Variants in ANTXRL observed in about 807,000 individuals in gnomAD.
ANTXRL encodes the protein anthrax toxin receptor-like.
A neutral mutation model predicts 75.4 loss-of-function variants in ANTXRL; 63 were observed. The observed-to-expected ratio is 0.84, with a 90% CI of 0.68 to 1.03. The LOEUF is 1.03. Ranked by LOEUF, ANTXRL falls within the 50% of genes least tolerant of loss-of-function variation. The pLI, the probability that ANTXRL is intolerant of heterozygous loss-of-function variation, is 0.00. For missense variants in ANTXRL, 797 were observed against 789.4 expected (o/e 1.01, Z -0.12); for synonymous variants, 335 against 291.3 (o/e 1.15, Z -1.53).
Position 46,287,316 on chromosome 10 carries a change from G to T in ANTXRL, c.54G>T (p.Leu18=). 1 of 1,535,970 alleles carries T rather than the reference G, an allele frequency of 6.5e-7. No individual in the cohort carries two copies. Among genetic ancestry groups the T allele is most frequent in the Non-Finnish European group, 8.7e-7 (1 of 1,146,752 alleles). Residue 18 remains leucine (L), a synonymous_variant, in exon 1 of 17, where the codon CTG becomes CTT. Coordinates refer to ENST00000620264, the MANE Select transcript of ANTXRL (RefSeq NM_001278688.3). The stretch of plus-strand genomic sequence containing the variant: ...ACTTCCTGGTCTTCCTGCTGCTGCT[G>T]CTGCTTCCTCCACCGCTTTTTAGAG... ...GPYFLVFLLL[L]LLPPPLFRAG...
At position 46,311,479 on chromosome 10, in the gene ANTXRL, T is replaced by C; in HGVS notation, c.1174-31T>C. On this transcript the variant is annotated intron_variant, in intron 14 of 16. Transcript: ENST00000620264. ...GGCCAGCACTGTGCCCTGCCAGCACTGTGAGCAGACAGTTGTTTTTCTTTT... is the reference window on the plus strand; with the variant it reads ...GGCCAGCACTGTGCCCTGCCAGCACCGTGAGCAGACAGTTGTTTTTCTTTT... The C allele has an allele frequency of 2.6e-6, 4 of 1,510,596 alleles. No homozygotes were observed. The South Asian group carries it at 3.8e-5, about 14-fold the overall frequency. 93.6% of individuals were successfully genotyped at this position (1,510,596 alleles called of 1,614,324 possible). A position where few individuals can be genotyped will look rare whatever the true frequency, so the allele number is the denominator to read the frequency against.
At chr10:46,306,081 T>C (rs1281697722) in intron 10 of ANTXRL, among the ~76,000 whole-genome samples, 3 of 152,186 alleles carry the variant, frequency 2.0e-5, no homozygotes, top group Non-Finnish European at 4.4e-5. Context: ...CTTTCCCTCC[T>C]TGACAAGGTC....
At chr10:46,322,654 T>A (rs1214586745) in intron 16 of ANTXRL, among the ~76,000 whole-genome samples, 2 of 152,138 alleles carry the variant, frequency 1.3e-5, no homozygotes, top group African/African-American at 4.8e-5. Flanking sequence ...GATGCAGAGC[T>A]TTTAATAGTA....
At chr10:46,322,058 C>T (rs376689267) in intron 16 of ANTXRL, among the ~76,000 whole-genome samples, 37 of 152,098 alleles carry the variant, frequency 2.4e-4, no homozygotes, top group East Asian at 1.2e-3. Flanking sequence ...TCCAGCGAGT[C>T]GCCAGAAGGA....
Position 46,292,097 on chromosome 10 carries a change from G to T in ANTXRL, c.288G>T (p.Met96Ile). ...SVNNNWIDLY[M>I]WVEETVARFQ... is the part of the protein sequence containing the mutation. ...ACAATAACTGGATTGACCTTTATAT[G>T]TGGGTGGAGGAAACAGTGGCGAGGT... The change falls in exon 2 of 17, where the codon ATG (methionine) becomes ATT (isoleucine). Residue 96 changes from methionine (M) to isoleucine (I), a missense_variant. This residue lies in a region of ANTXRL where 262 missense variants were observed against 271.9 expected (regional missense o/e 0.96). Transcript: ENST00000620264. The T allele has an allele frequency of 2.0e-6, 3 of 1,536,348 alleles. No individual in the cohort carries two copies. The highest frequency in any genetic ancestry group is 2.6e-6 in the Non-Finnish European group (3 of 1,146,826).
rs1554967334 is a variant in ANTXRL at position 46,329,970 on chromosome 10, C to T, written c.1782C>T (p.Leu594=). The T allele has an allele frequency of 2.0e-6, 3 of 1,535,548 alleles. No homozygotes were observed. Among genetic ancestry groups the T allele is most frequent in the East Asian group, 2.4e-5 (1 of 40,894 alleles). ...TCACCTGCTCCTCCAGGTGCCGCCTCCCCCCAGCTAGGTGCTTGAGGCCTC... is the reference window on the plus strand; with the variant it reads ...TCACCTGCTCCTCCAGGTGCCGCCTTCCCCCAGCTAGGTGCTTGAGGCCTC... ...LPLTCSSRCR[L]PPARCLRPPS... The change falls in exon 17 of 17, where the codon CTC becomes CTT. Residue 594 remains leucine (L), a synonymous_variant. Coordinates refer to ENST00000620264, the MANE Select transcript of ANTXRL (RefSeq NM_001278688.3).
chr10:46,315,736 C>G (rs532773449), intron 16 of ANTXRL, among the ~76,000 whole-genome samples: 2 of 152,142 alleles, frequency 1.3e-5, no homozygotes, highest in East Asian at 3.8e-4. Flanking sequence ...GAGCTGCTGC[C>G]TTTTAAAACC....
intron 16 of ANTXRL, 22 bp downstream of exon 16, chr10:46,313,338 C>T (rs1565044266): frequency 6.5e-7 from 1 of 1,533,642 alleles, no homozygotes; most frequent in Non-Finnish European, 8.7e-7. Context: ...CACAGGGACA[C>T]AGTTGATGGA....
At chr10:46,314,299 C>T (rs1554964270) in intron 16 of ANTXRL, among the ~76,000 whole-genome samples, 1 of 152,108 alleles carries the variant, frequency 6.6e-6, no homozygotes, top group African/African-American at 2.4e-5. Flanking sequence ...TGGCTCTGTG[C>T]CTCTGCACAG....
At position 46,321,636 on chromosome 10, in the gene ANTXRL, T is replaced by A. The variant is rs1434137456; in HGVS notation, c.1411-7963T>A. Among the ~76,000 whole-genome samples the A allele has an allele frequency of 1.3e-5, 2 of 152,168 alleles. 1 individual carries two copies. Among genetic ancestry groups the A allele is most frequent in the Non-Finnish European group, 2.9e-5 (2 of 68,028 alleles). On this transcript the variant is annotated intron_variant, in intron 16 of 16. Coordinates refer to ENST00000620264, the MANE Select transcript of ANTXRL (RefSeq NM_001278688.3). ...TTCTACACCATGAAAGGTTTGATTA[T>A]CCTCAGTCAGTGCATCATAAAAAGC...
rs1554967135 is a variant in ANTXRL at position 46,329,674 on chromosome 10, C to T, written c.1486C>T (p.His496Tyr). 9 of 1,536,322 alleles carry T rather than the reference C, an allele frequency of 5.9e-6. No homozygotes were observed. The South Asian group carries it at 7.1e-5, about 12-fold the overall frequency. The part of the protein sequence containing the change: ...APCCPRICFP[H>Y]SQECLSLPQA... ...CTGCTGCCCAAGGATCTGCTTTCCA[C>T]ACAGCCAGGAGTGCCTTTCCCTACC... Residue 496 changes from histidine (H) to tyrosine (Y), a missense_variant, in exon 17 of 17, where the codon CAC becomes TAC. His to Tyr is a moderately conservative substitution (Grantham distance 83). Transcript: ENST00000620264.
rs1410744115 is a variant in ANTXRL, at chr10:46,311,640, G to C, written c.1304G>C (p.Gly435Ala). 8.3e-7 allele frequency: 1 copy of C among 1,199,026 alleles called. No homozygotes were observed. Among genetic ancestry groups the C allele is most frequent in the Non-Finnish European group, 1.2e-6 (1 of 839,080 alleles). 74.3% of individuals were successfully genotyped at this position (1,199,026 alleles called of 1,614,324 possible). ...TVIICCCGCQGVGGMRRIEGN... is the reference protein window; with the variant it reads ...TVIICCCGCQAVGGMRRIEGN... The stretch of plus-strand genomic sequence containing the variant: ...ATTATTTGTTGCTGTGGATGCCAAG[G>C]AGTGGGCGGGATGAGAAGGATAGAG... Residue 435 changes from glycine to alanine, a missense_variant, in exon 15 of 17, where the codon GGA becomes GCA. Physicochemically the swap from Gly to Ala is moderately conservative, Grantham distance 60. Coordinates refer to ENST00000620264, the MANE Select transcript of ANTXRL (RefSeq NM_001278688.3).
At position 46,293,521 on chromosome 10, in the gene ANTXRL, GCC is replaced by G. The variant is rs1194417852; in HGVS notation, c.321-307_321-306del. The stretch of plus-strand genomic sequence containing the variant: ...GGTGTGTGCACCTGTGTGTGTGTGT[GCC>G]TCTGTGTGTGCATGTGTGTGCATAT... On this transcript the variant is annotated intron_variant, in intron 2 of 16. Coordinates refer to ENST00000620264, the MANE Select transcript of ANTXRL (RefSeq NM_001278688.3). Among the ~76,000 whole-genome samples the G allele has an allele frequency of 4.1e-5, 2 of 48,638 alleles. 1 individual carries two copies. The highest frequency in any genetic ancestry group is 1.1e-4 in the Non-Finnish European group (2 of 17,948). 31.9% of individuals were successfully genotyped at this position (48,638 alleles called of 152,430 possible).
At chr10:46,327,555 G>C (rs1327081191) in intron 16 of ANTXRL, among the ~76,000 whole-genome samples, 1 of 152,112 alleles carries the variant, frequency 6.6e-6, no homozygotes, top group Non-Finnish European at 1.5e-5. Flanking sequence ...GGACTAGCAG[G>C]GCAGGGGCAG....
intron 13 of ANTXRL, among the ~76,000 whole-genome samples, 173 bp downstream of exon 13, chr10:46,309,375 G>C (rs1838289114): frequency 6.6e-6 from 1 of 152,224 alleles, no homozygotes; most frequent in African/African-American, 2.4e-5. Flanking sequence ...CCAGAGCCTA[G>C]CAAGCCTGGG....
At chr10:46,326,640 G>A (rs551770176) in intron 16 of ANTXRL, among the ~76,000 whole-genome samples, 2 of 152,224 alleles carry the variant, frequency 1.3e-5, no homozygotes, top group South Asian at 2.1e-4. Context: ...TGCCCAGGAG[G>A]AGTGAGGTGG....
At chr10:46,293,111 CTGTG>C (rs112166587) in intron 2 of ANTXRL, 11 of 152,026 alleles carry the variant, frequency 7.2e-5, no homozygotes, top group African/African-American at 1.7e-4. Context: ...GTATGTGTGT[CTGTG>C]TGTGTGTGTG....
At chr10:46,292,569 A>G (rs75108783) in intron 2 of ANTXRL, among the ~76,000 whole-genome samples, 67 of 152,244 alleles carry the variant, frequency 4.4e-4, no homozygotes, top group African/African-American at 1.6e-3. Context: ...TGCAGGATGG[A>G]AAAGACAGGG....
rs781899596 is a variant in ANTXRL, at chr10:46,307,432, A to C, written c.996A>C (p.Lys332Asn). The change falls in exon 12 of 17, where the codon AAA becomes AAC. Residue 332 changes from lysine to asparagine, a missense_variant. Lys to Asn is a moderately conservative substitution (Grantham distance 94). Transcript: ENST00000620264. ...ACTCTATTGAAGTCAGCTTGAACAA[A>C]GGCAAAACATTCTTCAAGAGCAATG... ...EEYSIEVSLN[K>N]GKTFFKSNVS... 29 of 1,536,166 alleles carry C rather than the reference A, an allele frequency of 1.9e-5. No individual in the cohort carries two copies. The highest frequency in any genetic ancestry group is 2.4e-5 in the Non-Finnish European group (28 of 1,146,784).
Sources: gnomAD v4.1 joint callset for allele counts (sites outside exome capture counted in the v4.1 genomes callset) on GRCh38, gnomAD v4.1.1 for gene constraint, gnomAD v4.1.1 regional missense constraint, MANE v1.5 for transcripts, NCBI Gene and HGNC (gene_info 2026-07-23, HGNC 2026-07-21) for gene names.